The following RARB variants were observed in gnomAD, a reference collection of about 807,000 sequenced individuals.
RARB encodes retinoic acid receptor beta, also known as HBV-activated protein.
A neutral mutation model predicts 51.9 loss-of-function variants in RARB; 17 were observed. The ratio of observed to expected loss-of-function variants is 0.33; its 90% CI spans 0.22 to 0.49. The LOEUF (loss-of-function observed/expected upper bound fraction) is 0.49, where lower values mean the gene tolerates loss of function less well. RARB is among the 20% of genes least tolerant of loss of function. The pLI, the probability that RARB is intolerant of heterozygous loss-of-function variation, is 0.99. For missense variants in RARB, 369 were observed against 550.8 expected, an observed-to-expected ratio of 0.67 and a Z score of 3.30; for synonymous variants, 215 against 195.4, an observed-to-expected ratio of 1.10 and a Z score of -0.84.
At chr3:24,921,349 G>C (rs1029474045) in intron 2 of RARB, among the ~76,000 whole-genome samples, 1 of 152,116 alleles carries the variant, frequency 6.6e-6, no homozygotes, top group African/African-American at 2.4e-5. Flanking sequence ...GCTCCTTAAA[G>C]CTGGAGTGAC....
intron 5 of RARB, among the ~76,000 whole-genome samples, chr3:25,382,583 C>T (rs956346060): frequency 6.6e-5 from 10 of 152,266 alleles, no homozygotes; most frequent in Non-Finnish European, 1.0e-4. Context: ...AGGCTGGGTG[C>T]GGTGGCTCCT....
intron 2 of RARB, among the ~76,000 whole-genome samples, chr3:24,863,969 T>C (rs112512729): frequency 1.3e-5 from 2 of 152,232 alleles, no homozygotes; most frequent in African/African-American, 4.8e-5. Flanking sequence ...TATCTCAATG[T>C]CCTGCCAATC....
intron 2 of RARB, among the ~76,000 whole-genome samples, chr3:24,946,566 A>G (rs1171081312): frequency 2.0e-5 from 3 of 151,984 alleles, no homozygotes; most frequent in East Asian, 3.9e-4. Flanking sequence ...AAAAAATGAT[A>G]CATTAATATT....
intron 2 of RARB, among the ~76,000 whole-genome samples, chr3:24,997,526 T>A (rs6769630): frequency 0.33 from 49,633 of 151,842 alleles, 10,425 homozygotes; most frequent in African/African-American, 0.6. Context: ...CCTTAATTTC[T>A]TATTGTTTAT....
At chr3:25,207,191 G>A (rs1701570547) in intron 5 of RARB, among the ~76,000 whole-genome samples, 1 of 152,144 alleles carries the variant, frequency 6.6e-6, no homozygotes, top group Non-Finnish European at 1.5e-5. Context: ...GAATAATGAG[G>A]TCATTTGCCT....
intron 3 of RARB, among the ~76,000 whole-genome samples, chr3:25,552,278 G>C (rs1699881207): frequency 6.6e-6 from 1 of 152,160 alleles, no homozygotes; most frequent in Non-Finnish European, 1.5e-5. Context: ...AAGTCAGCCT[G>C]GTGAAATTAA....
intron 4 of RARB, among the ~76,000 whole-genome samples, chr3:25,132,428 A>G (rs1699968305): frequency 6.6e-6 from 1 of 151,882 alleles, no homozygotes; most frequent in Non-Finnish European, 1.5e-5. Flanking sequence ...GCATCCAAGA[A>G]TTTTGTGGCT....
intron 3 of RARB, among the ~76,000 whole-genome samples, chr3:25,075,657 G>T (rs1258409563): frequency 7.1e-6 from 1 of 140,220 alleles, no homozygotes; most frequent in Non-Finnish European, 1.5e-5. Context: ...ATCATTTAGT[G>T]AGAGAATTGT....
At chr3:25,574,519 G>A (rs1215725152) in intron 4 of RARB, among the ~76,000 whole-genome samples, 2 of 152,164 alleles carry the variant, frequency 1.3e-5, no homozygotes, top group Admixed American at 1.3e-4. Context: ...CAGATTTCCA[G>A]GTGGTGTAGC....
chr3:25,241,189 A>G (rs999259217), intron 5 of RARB, among the ~76,000 whole-genome samples: 2 of 152,174 alleles, frequency 1.3e-5, no homozygotes, highest in Non-Finnish European at 2.9e-5. Context: ...GGCATTCTGG[A>G]ACATGCTGTT....
intron 2 of RARB, among the ~76,000 whole-genome samples, chr3:24,923,152 G>A (rs895074738): frequency 1.3e-5 from 2 of 152,078 alleles, no homozygotes; most frequent in Non-Finnish European, 2.9e-5. Flanking sequence ...TTTTCCAGCT[G>A]GGAAATCTAC....
At chr3:24,966,624 C>T (rs1696279599) in intron 2 of RARB, among the ~76,000 whole-genome samples, 1 of 150,826 alleles carries the variant, frequency 6.6e-6, no homozygotes, top group African/African-American at 2.5e-5. Context: ...CTCTCTCTCT[C>T]TCTCTCTCTC....
chr3:24,999,555 G>A (rs1697114355), intron 2 of RARB, among the ~76,000 whole-genome samples: 1 of 152,140 alleles, frequency 6.6e-6, no homozygotes, highest in African/African-American at 2.4e-5. Context: ...GTCAGTAGTT[G>A]ATGACATCAT....
rs1440690759 is a variant in RARB, at chr3:24,879,889, G to A, written c.-380+21137G>A. 2.0e-5 allele frequency among the ~76,000 whole-genome samples: 3 copies of A among 152,180 alleles called. No individual in the cohort carries two copies. The East Asian group carries it at 5.8e-4, about 29-fold the overall frequency. Reference sequence around the variant, plus strand: ...GTTACATTAAGGGTGTACATTTTGAGAATATTTATTCAGGGAGTTTTGTCC... The same window carrying A: ...GTTACATTAAGGGTGTACATTTTGAAAATATTTATTCAGGGAGTTTTGTCC... On this transcript the variant is annotated intron_variant, in intron 2 of 11. Transcript: ENST00000383772.
chr3:25,322,070 C>T (rs754960212), intron 5 of RARB, among the ~76,000 whole-genome samples: 2 of 151,978 alleles, frequency 1.3e-5, no homozygotes, highest in African/African-American at 2.4e-5. Flanking sequence ...TAAGCAACAG[C>T]AATCAAAACA....
rs144363334 is a variant in RARB, at chr3:25,101,749, T to G, written c.-327-30412T>G. Among the ~76,000 whole-genome samples the G allele has an allele frequency of 4.3e-3, 660 of 152,252 alleles. 3 individuals are homozygous for G. Among genetic ancestry groups the G allele is most frequent in the African/African-American group, 0.015 (625 of 41,546 alleles). ...TGGGATTGCTGGATCAAAATGTGTT[T>G]ACTTTTTGAAAGGCTATTTGTAATT... On this transcript the variant is annotated intron_variant, in intron 3 of 11. Coordinates refer to the RARB transcript ENST00000383772.
chr3:25,213,475 A>G (rs765740183), intron 5 of RARB, among the ~76,000 whole-genome samples: 2 of 152,044 alleles, frequency 1.3e-5, no homozygotes, highest in African/African-American at 2.4e-5. Context: ...TTGCTTTGAC[A>G]TTTGGGAAGT....
intron 2 of RARB, among the ~76,000 whole-genome samples, chr3:24,926,367 A>G (rs1695321884): frequency 6.6e-6 from 1 of 152,234 alleles, no homozygotes; most frequent in Non-Finnish European, 1.5e-5. Context: ...ATTCTCCACA[A>G]CTTGCTAAAT....
At chr3:24,913,015 C>G (rs1375897635) in intron 2 of RARB, among the ~76,000 whole-genome samples, 1 of 78,206 alleles carries the variant, frequency 1.3e-5, no homozygotes, top group Non-Finnish European at 2.9e-5. Context: ...GAGTCTCGCT[C>G]TGTCGCTCAG....
Sources: allele counts gnomAD v4.1 joint callset (sites outside exome capture counted in the v4.1 genomes callset), GRCh38; gene constraint gnomAD v4.1.1; transcripts MANE v1.5; gene names NCBI Gene and HGNC (gene_info 2026-07-23, HGNC 2026-07-21).